The following ASTN2 variants were observed in gnomAD, a reference collection of about 807,000 sequenced individuals.
The protein encoded by ASTN2 is astrotactin-2.
Under a neutral mutation model 139.8 loss-of-function variants are expected in ASTN2, and 54 were observed. The ratio of observed to expected loss-of-function variants is 0.39; its 90% CI spans 0.31 to 0.48. The LOEUF (loss-of-function observed/expected upper bound fraction) is 0.48, where lower values mean the gene tolerates loss of function less well. ASTN2 is among the 20% of genes least tolerant of loss of function. The pLI is 0.95. For synonymous variants in ASTN2, 756 were observed against 719.5 expected, an observed-to-expected ratio of 1.05 and a Z score of -0.81; for missense variants, 1,565 against 1,725.1, an observed-to-expected ratio of 0.91 and a Z score of 1.64.
intron 2 of ASTN2, among the ~76,000 whole-genome samples, chr9:117,225,363 A>C (rs118151574): frequency 0.01 from 1,542 of 151,492 alleles, 25 homozygotes; most frequent in South Asian, 0.049. Context: ...TGAATGGAGA[A>C]GGTAGGGGAA....
At chr9:117,165,332 G>A (rs547423334) in intron 3 of ASTN2, among the ~76,000 whole-genome samples, 4 of 152,104 alleles carry the variant, frequency 2.6e-5, no homozygotes, top group South Asian at 4.1e-4. Context: ...TTACAGAAGA[G>A]CAAATGGAGG....
rs781475334 is a variant in ASTN2 at position 116,699,103 on chromosome 9, T to C, written c.2806+26668A>G. 5.6e-6 allele frequency: 9 copies of C among 1,613,844 alleles called. No individual in the cohort carries two copies. Among genetic ancestry groups the C allele is most frequent in the East Asian group, 4.5e-5 (2 of 44,850 alleles). On this transcript the variant is annotated intron_variant, in intron 16 of 22. Coordinates refer to ENST00000313400, the MANE Select transcript of ASTN2 (RefSeq NM_001365068.1). The surrounding 1 kb of genome is among the most constrained non-coding windows in gnomAD (Gnocchi z 4.2). ...GACAGCTATGATAACTCCCTCAAGG[T>C]ATATACCTTGGATGGCCACTGCGTG...
chr9:116,621,135 C>A (rs961984541), intron 17 of ASTN2, among the ~76,000 whole-genome samples: 3 of 152,144 alleles, frequency 2.0e-5, no homozygotes, highest in South Asian at 4.1e-4. Flanking sequence ...AAATCAGGAG[C>A]CAGAAAACAG....
chr9:116,821,469 T>C (rs1174167576), intron 11 of ASTN2, among the ~76,000 whole-genome samples: 2 of 152,166 alleles, frequency 1.3e-5, no homozygotes, highest in African/African-American at 4.8e-5. Flanking sequence ...CCATTATCCC[T>C]GGAGCCCTAA....
At chr9:117,254,693 T>C (rs893321788) in intron 2 of ASTN2, among the ~76,000 whole-genome samples, 3 of 152,220 alleles carry the variant, frequency 2.0e-5, no homozygotes, top group Admixed American at 2.0e-4. Context: ...TGTAATTAAC[T>C]AAAATTTTTT....
intron 13 of ASTN2, among the ~76,000 whole-genome samples, chr9:116,753,931 TC>T: frequency 6.6e-6 from 1 of 151,974 alleles, no homozygotes; most frequent in African/African-American, 2.4e-5. Flanking sequence ...TTCTCCTAAC[TC>T]TAACCCTCCC....
intron 10 of ASTN2, among the ~76,000 whole-genome samples, chr9:116,940,995 G>T (rs975946001): frequency 6.6e-6 from 1 of 152,166 alleles, no homozygotes; most frequent in Non-Finnish European, 1.5e-5. Flanking sequence ...GGCTTTACAG[G>T]TTTGAAGCCT....
chr9:117,296,665 G>T lies in ASTN2; in HGVS notation c.443-5152C>A, dbSNP rs140175815. On this transcript the variant is annotated intron_variant, in intron 1 of 22. Coordinates refer to ENST00000313400, the MANE Select transcript of ASTN2 (RefSeq NM_001365068.1). Reference sequence around the variant, plus strand: ...TAAAGGCAGATTATGCTGACATGATGAATATAAAATGAAACAGCAGATATT... The same window carrying T: ...TAAAGGCAGATTATGCTGACATGATTAATATAAAATGAAACAGCAGATATT... Among the ~76,000 whole-genome samples the T allele has an allele frequency of 3.2e-4, 49 of 152,358 alleles. 1 individual carries two copies. In the East Asian group the frequency reaches 9.3e-3, roughly 29 times the overall value.
At chr9:116,843,584 G>A (rs1321638287) in intron 11 of ASTN2, among the ~76,000 whole-genome samples, 2 of 151,496 alleles carry the variant, frequency 1.3e-5, no homozygotes, top group African/African-American at 4.9e-5. Context: ...GCTTGAACTC[G>A]GGAGGCAGAT....
chr9:117,163,710 ATGAG>A (rs1830604661), intron 3 of ASTN2, among the ~76,000 whole-genome samples: 1 of 152,104 alleles, frequency 6.6e-6, no homozygotes, highest in African/African-American at 2.4e-5. Flanking sequence ...TATACAATTT[ATGAG>A]TCTAAATAAT....
intron 17 of ASTN2, among the ~76,000 whole-genome samples, chr9:116,638,167 G>C (rs1857162889): frequency 6.6e-6 from 1 of 152,148 alleles, no homozygotes; most frequent in African/African-American, 2.4e-5. Flanking sequence ...ACAATGAAAT[G>C]TAGAGAAGGA....
At chr9:116,619,723 G>A (rs1420949673) in intron 18 of ASTN2, among the ~76,000 whole-genome samples, 1 of 134,096 alleles carries the variant, frequency 7.5e-6, no homozygotes, top group Non-Finnish European at 1.6e-5. Flanking sequence ...GGAGAGACGA[G>A]GTCTCATTAT....
chr9:117,060,442 G>GAGAGAA (rs1554774103), intron 5 of ASTN2, among the ~76,000 whole-genome samples: 896 of 53,864 alleles, frequency 0.017, 149 homozygotes, highest in Admixed American at 0.063. Context: ...AAGAGAGAGA[G>GAGAGAA]AGAAAGAAAG....
intron 5 of ASTN2, among the ~76,000 whole-genome samples, chr9:117,074,637 G>A (rs1455587476): frequency 1.3e-5 from 2 of 152,160 alleles, no homozygotes; most frequent in African/African-American, 4.8e-5. Context: ...GCAATCGTTG[G>A]GGTGGAAGTG....
intron 11 of ASTN2, among the ~76,000 whole-genome samples, chr9:116,832,784 T>G (rs1831854481): frequency 6.6e-6 from 1 of 152,080 alleles, no homozygotes; most frequent in South Asian, 2.1e-4. Flanking sequence ...TTTTTACAAC[T>G]GTGGTATATG....
rs141283325 is a variant in ASTN2, at chr9:117,271,614, G to A, written c.630+19712C>T. 3.4e-3 allele frequency among the ~76,000 whole-genome samples: 525 copies of A among 152,256 alleles called. 2 individuals carry two copies. Among genetic ancestry groups the A allele is most frequent in the African/African-American group, 0.012 (507 of 41,542 alleles). On this transcript the variant is annotated intron_variant, in intron 2 of 22. Coordinates refer to ENST00000313400, the MANE Select transcript of ASTN2 (RefSeq NM_001365068.1). ...ATGAGCCTGTAAAATCAAAAGCAAG[G>A]TAGTTACTTCCTAGACACAATGGGG...
intron 10 of ASTN2, among the ~76,000 whole-genome samples, chr9:116,869,360 C>T (rs1833095640): frequency 6.6e-6 from 1 of 152,128 alleles, no homozygotes. Flanking sequence ...TTCCACAGGG[C>T]ACAGGGGAAT....
chr9:116,549,324 C>A (rs899026335), intron 19 of ASTN2, among the ~76,000 whole-genome samples: 57 of 150,968 alleles, frequency 3.8e-4, no homozygotes, highest in African/African-American at 1.4e-3. Flanking sequence ...AGGGGTAAAA[C>A]GTAGAGGGAC....
intron 2 of ASTN2, among the ~76,000 whole-genome samples, chr9:117,245,427 C>T (rs779170820): frequency 2.0e-5 from 3 of 152,206 alleles, no homozygotes; most frequent in Non-Finnish European, 4.4e-5. Flanking sequence ...CAAAGCGGCA[C>T]AGGGACAGGG....
Sources: gnomAD v4.1 joint callset for allele counts (sites outside exome capture counted in the v4.1 genomes callset) on GRCh38, gnomAD v4.1.1 for gene constraint, Gnocchi (gnomAD v3.1) non-coding constraint, MANE v1.5 for transcripts, NCBI Gene and HGNC (gene_info 2026-07-23, HGNC 2026-07-21) for gene names.